XRCC3: variants seen among roughly 807,000 people sequenced by gnomAD.
XRCC3 encodes DNA repair protein XRCC3.
Under a neutral mutation model 29.2 loss-of-function variants are expected in XRCC3, and 34 were observed. That is an observed-to-expected ratio of 1.16 (90% CI 0.88 to 1.55). XRCC3 has a LOEUF of 1.55. Ranked by LOEUF, XRCC3 falls within the 40% of genes most tolerant of loss-of-function variation. XRCC3 has a pLI of 0.00. For synonymous variants in XRCC3, 223 were observed against 211.3 expected (o/e 1.06, Z -0.48); for missense variants, 463 against 467.6 (o/e 0.99, Z 0.09).
chr14:103,703,260 C>T lies in XRCC3; in HGVS notation c.474G>A (p.Gln158=), dbSNP rs2151931239. ...HKRLQQLMAQ[Q]PRLRTDVPGE... Reference sequence around the variant, plus strand: ...CTGGAACGTCAGTGCGCAGCCGCGGCTGCTGGGCCATGAGCTGCTGCAGGC... The same window carrying T: ...CTGGAACGTCAGTGCGCAGCCGCGGTTGCTGGGCCATGAGCTGCTGCAGGC... The change falls in exon 7 of 10, where the codon CAG becomes CAA. Residue 158 remains glutamine, a synonymous_variant. Coordinates refer to ENST00000555055, the MANE Select transcript of XRCC3 (RefSeq NM_005432.4). The T allele has an allele frequency of 1.3e-6, 2 of 1,560,960 alleles. No homozygotes were observed. Among genetic ancestry groups the T allele is most frequent in the African/African-American group, 1.4e-5 (1 of 73,696 alleles).
rs866996597 is a variant in XRCC3, at chr14:103,703,175, C to T, written c.559G>A (p.Val187Met). The change falls in exon 7 of 10, where the codon GTG becomes ATG. Residue 187 changes from valine (V) to methionine (M), a missense_variant and splice_region_variant. Transcript: ENST00000555055. ...CATGGGGCTTCTCCCACACTCACCA[C>T]ATCGGCCACGTGCTCGATGAAGATC... ...SQIFIEHVAD[V>M]DTLLECVNKK... The T allele has an allele frequency of 6.4e-7, 1 of 1,568,532 alleles. No homozygotes were observed.
rs554712025 is a variant in XRCC3, at chr14:103,698,484, G to A, written c.*314C>T. Reference sequence around the variant, plus strand: ...AGAGAAGAAGCAGGCGGCTCCCAGGGAGTCACTGTAGGACACCCCAGGCTC... The same window carrying A: ...AGAGAAGAAGCAGGCGGCTCCCAGGAAGTCACTGTAGGACACCCCAGGCTC... On this transcript the variant is annotated 3_prime_UTR_variant, in exon 10 of 10. Transcript: ENST00000555055. 1.5e-4 allele frequency: 62 copies of A among 421,252 alleles called. No homozygotes were observed. The East Asian group carries it at 2.9e-3, about 20-fold the overall frequency. The allele number at this position is 421,252 out of a possible 1,614,324, so 26.1% of individuals were successfully genotyped here. A position where few individuals can be genotyped will look rare whatever the true frequency, so the allele number is the denominator to read the frequency against.
intron 7 of XRCC3, chr14:103,701,219 G>C (rs375083845): frequency 2.6e-6 from 4 of 1,550,370 alleles, no homozygotes; most frequent in African/African-American, 1.4e-5. Flanking sequence ...ACCTGGCCCC[G>C]CTCCAGGATG....
Position 103,698,824 on chromosome 14 carries a change from C to T in XRCC3, c.1015G>A (p.Gly339Arg). ...CAGTGGGACTGGGTCCCAGGTGTCC[C>T]TCGCACCCCTTCGGCACTGATCGTG... ...SYTISAEGVR[G>R]TPGTQSH The change falls in exon 10 of 10, where the codon GGG (glycine) becomes AGG (arginine). Residue 339 changes from glycine to arginine, a missense_variant. Gly to Arg is a moderately radical substitution (Grantham distance 125). Coordinates refer to ENST00000555055, the MANE Select transcript of XRCC3 (RefSeq NM_005432.4). 1.9e-6 allele frequency: 3 copies of T among 1,604,278 alleles called. No individual in the cohort carries two copies. The highest frequency in any genetic ancestry group is 2.6e-6 in the Non-Finnish European group (3 of 1,176,160).
intron 4 of XRCC3, 119 bp downstream of exon 4, chr14:103,710,914 G>T (rs2083604884): frequency 3.1e-6 from 3 of 967,852 alleles, no homozygotes; most frequent in Non-Finnish European, 4.9e-6. Flanking sequence ...CCCGCCCTCG[G>T]TTTAATAATC....
intron 7 of XRCC3, chr14:103,701,323 G>A: frequency 9.5e-7 from 1 of 1,049,014 alleles, no homozygotes; most frequent in Non-Finnish European, 1.4e-6. Flanking sequence ...CATTTCTCCT[G>A]CGTCTGTGTG....
At chr14:103,713,104 C>T (rs2083689587) in intron 1 of XRCC3, 173 bp from the exon 2 acceptor site, 1 of 152,430 alleles carries the variant, frequency 6.6e-6, no homozygotes, top group Non-Finnish European at 1.5e-5. Flanking sequence ...GGGGGTTCCT[C>T]TTAGCAACCT....
At position 103,711,126 on chromosome 14, in the gene XRCC3, A is replaced by C. The variant is rs755493221; in HGVS notation, c.-39T>G. On this transcript the variant is annotated 5_prime_UTR_variant, in exon 4 of 10. Transcript: ENST00000555055. ...TGGCCACCAGGATGAATAACTTCCCAGGAAAGACAGAACAATGGATGCAAA... is the reference window on the plus strand; with the variant it reads ...TGGCCACCAGGATGAATAACTTCCCCGGAAAGACAGAACAATGGATGCAAA... 8 of 1,610,276 alleles carry C rather than the reference A, an allele frequency of 5.0e-6. No individual in the cohort carries two copies. The highest frequency in any genetic ancestry group is 6.8e-6 in the Non-Finnish European group (8 of 1,176,514).
intron 5 of XRCC3, 81 bp downstream of exon 5, chr14:103,708,441 C>T (rs2083515936): frequency 6.3e-6 from 10 of 1,598,280 alleles, no homozygotes; most frequent in Non-Finnish European, 6.8e-6. Flanking sequence ...GTGAAGTCTG[C>T]ACAGCCCCTG....
rs555626546 is a variant in XRCC3, at chr14:103,715,245, C to T, written c.-318+179G>A. 6.1e-3 allele frequency among the ~76,000 whole-genome samples: 928 copies of T among 152,088 alleles called. 9 individuals are homozygous for T. Among genetic ancestry groups the T allele is most frequent in the African/African-American group, 0.022 (894 of 41,536 alleles). On this transcript the variant is annotated intron_variant, in intron 1 of 9. Coordinates refer to ENST00000555055, the MANE Select transcript of XRCC3 (RefSeq NM_005432.4). The stretch of plus-strand genomic sequence containing the variant: ...GCTACCCGAGCTGCGGCGGGGCTCC[C>T]GGGGTGAGTGCTGCAGCCCCAGGCC...
chr14:103,712,730 A>G (rs955490653), intron 2 of XRCC3, 145 bp downstream of exon 2: 5 of 152,456 alleles, frequency 3.3e-5, no homozygotes, highest in African/African-American at 1.2e-4. Context: ...GTCTGGATAC[A>G]AAACTTGGAC....
At position 103,698,711 on chromosome 14, in the gene XRCC3, G is replaced by A; in HGVS notation, c.*87C>T. The A allele has an allele frequency of 2.4e-6, 3 of 1,259,744 alleles. No homozygotes were observed. Among genetic ancestry groups the A allele is most frequent in the Non-Finnish European group, 3.4e-6 (3 of 885,732 alleles). The allele number at this position is 1,259,744 out of a possible 1,614,324, so 78.0% of individuals were successfully genotyped here. Reference sequence around the variant, plus strand: ...GTGTCTGAACCAGGCTCCCAGCTGTGCCACGGCCCAGGCAGACGCGTTTTA... The same window carrying A: ...GTGTCTGAACCAGGCTCCCAGCTGTACCACGGCCCAGGCAGACGCGTTTTA... On this transcript the variant is annotated 3_prime_UTR_variant, in exon 10 of 10. Transcript: ENST00000555055.
chr14:103,709,622 G>C (rs1264356075), intron 4 of XRCC3: 1 of 152,396 alleles, frequency 6.6e-6, no homozygotes, highest in Non-Finnish European at 1.5e-5. Flanking sequence ...CAGATCCAGC[G>C]GAGGGGGCTT....
intron 2 of XRCC3, chr14:103,712,406 G>A (rs991184911): frequency 2.6e-5 from 4 of 152,986 alleles, no homozygotes; most frequent in Non-Finnish European, 2.9e-5. Context: ...CCAGAGTGAG[G>A]AAGTGAGGTT....
intron 4 of XRCC3, 95 bp downstream of exon 4, chr14:103,710,934 AAAGG>A (rs1441994158): frequency 3.2e-6 from 4 of 1,244,370 alleles, no homozygotes; most frequent in African/African-American, 3.0e-5. Context: ...CAGGGTAGGC[AAAGG>A]AAGGAAGGCT....
chr14:103,712,062 C>T (rs147966970), intron 2 of XRCC3: 1 of 309,980 alleles, frequency 3.2e-6, no homozygotes, highest in Non-Finnish European at 6.4e-6. Context: ...TGGACACGAT[C>T]ACGCTGGTCA....
At chr14:103,713,634 G>A (rs973261500) in intron 1 of XRCC3, 8 of 152,432 alleles carry the variant, frequency 5.2e-5, no homozygotes, top group Admixed American at 5.2e-4. Context: ...TTACTGCCTG[G>A]AGCTGCTCTG....
At chr14:103,700,698 A>T (rs187880905) in intron 7 of XRCC3, 207 of 1,605,676 alleles carry the variant, frequency 1.3e-4, no homozygotes, top group Middle Eastern at 6.8e-4. Context: ...CGACAGCAGC[A>T]GCAGTGGCCT....
chr14:103,701,781 A>G (rs896450581), intron 7 of XRCC3: 2 of 152,070 alleles, frequency 1.3e-5, no homozygotes, highest in Non-Finnish European at 2.9e-5. Context: ...GGCTAAGGCA[A>G]GAGAATGGCG....
Sources: allele counts gnomAD v4.1 joint callset (sites outside exome capture counted in the v4.1 genomes callset), GRCh38; gene constraint gnomAD v4.1.1; transcripts MANE v1.5; gene names NCBI Gene and HGNC (gene_info 2026-07-23, HGNC 2026-07-21).